The following RBAK variants were observed in gnomAD, a reference collection of about 807,000 sequenced individuals.
The protein encoded by RBAK is RB associated KRAB zinc finger, also known as RB-associated KRAB zinc finger protein.
Under a neutral mutation model 65.8 loss-of-function variants are expected in RBAK, and 39 were observed. The observed-to-expected ratio is 0.59, with a 90% confidence interval of 0.46 to 0.77. RBAK has a LOEUF of 0.77. Among genes scored for constraint, RBAK ranks in the 30% least tolerant of loss-of-function variants. The probability of loss-of-function intolerance (pLI) is 0.00; values close to 1 mark genes in which losing one functional copy is unlikely to be tolerated. For missense variants in RBAK, 884 were observed against 855.1 expected, an observed-to-expected ratio of 1.03 and a Z score of -0.42; for synonymous variants, 343 against 289.7, an observed-to-expected ratio of 1.18 and a Z score of -1.87.
intron 2 of RBAK, among the ~76,000 whole-genome samples, chr7:5,049,862 C>T (rs1200145920): frequency 1.3e-5 from 2 of 151,996 alleles, no homozygotes; most frequent in South Asian, 2.1e-4. Context: ...TAGCTACAGG[C>T]GCAAGCTGCC....
chr7:5,062,767 G>T (rs767507788), intron 4 of RBAK, among the ~76,000 whole-genome samples: 1 of 152,268 alleles, frequency 6.6e-6, no homozygotes, highest in African/African-American at 2.4e-5. Flanking sequence ...ACCCCTAGGC[G>T]CATATTCTCT....
At position 5,064,390 on chromosome 7, in the gene RBAK, T is replaced by G. The variant is rs1779161783; in HGVS notation, c.934T>G (p.Leu312Val). 1 of 1,613,720 alleles carries G rather than the reference T, an allele frequency of 6.2e-7. No homozygotes were observed. The change falls in exon 5 of 5, where the codon TTA (leucine) becomes GTA (valine). Residue 312 changes from leucine (L) to valine (V), a missense_variant. Coordinates refer to ENST00000396912, the MANE Select transcript of RBAK (RefSeq NM_021163.4). The surrounding 1 kb of genome is among the most constrained non-coding windows in gnomAD (Gnocchi z 6.3). The part of the protein sequence containing the change: ...GTLTVHRRSH[L>V]EEKPYKCNEC... ...CCTCACTGTACATCGGAGATCACAC[T>G]TAGAGGAGAAGCCCTATAAATGTAA...
chr7:5,061,022 T>A (rs887130565), intron 4 of RBAK, among the ~76,000 whole-genome samples: 2 of 152,222 alleles, frequency 1.3e-5, no homozygotes, highest in Non-Finnish European at 2.9e-5. Context: ...GAACTCTTGT[T>A]TGTATTCAGA....
intron 4 of RBAK, among the ~76,000 whole-genome samples, chr7:5,058,703 A>G (rs1039207180): frequency 6.6e-6 from 1 of 152,068 alleles, no homozygotes; most frequent in African/African-American, 2.4e-5. Flanking sequence ...CCCCTTCCCC[A>G]TAACTGGAAT....
In RBAK at chr7:5,048,957, C is replaced by G. The variant is rs1788055417; in HGVS notation, c.15+866C>G. Among the ~76,000 whole-genome samples, 1 of 152,192 alleles carries G rather than the reference C, an allele frequency of 6.6e-6. No individual in the cohort carries two copies. The highest frequency in any genetic ancestry group is 1.5e-5 in the Non-Finnish European group (1 of 68,042). On this transcript the variant is annotated intron_variant, in intron 2 of 4. Transcript: ENST00000396912. The surrounding 1 kb of genome is among the most constrained non-coding windows in gnomAD (Gnocchi z 4.4). ...CCAAAAGGGAAATTGCCCCCATGAT[C>G]CAATCACCTCCCACCAGGCCCCACC...
intron 4 of RBAK, among the ~76,000 whole-genome samples, chr7:5,061,587 G>A (rs977212174): frequency 3.3e-5 from 5 of 149,706 alleles, no homozygotes; most frequent in Admixed American, 6.6e-5. Flanking sequence ...CACCATGCCC[G>A]GCATGATCTT....
chr7:5,046,369 G>A lies in RBAK; in HGVS notation c.-72G>A, dbSNP rs1298250218. ...CCCGCCCCGGCCTCTCGGGAGCCGTGGGGCAGAGGCTGCGGAGCCCCAGAA... is the reference window on the plus strand; with the variant it reads ...CCCGCCCCGGCCTCTCGGGAGCCGTAGGGCAGAGGCTGCGGAGCCCCAGAA... On this transcript the variant is annotated 5_prime_UTR_variant, in exon 1 of 5. Transcript: ENST00000396912. 1 of 515,938 alleles carries A rather than the reference G, an allele frequency of 1.9e-6. No individual in the cohort carries two copies. The highest frequency in any genetic ancestry group is 3.9e-6 in the Non-Finnish European group (1 of 259,384). 32.0% of individuals were successfully genotyped at this position (515,938 alleles called of 1,614,324 possible). A position where few individuals can be genotyped will look rare whatever the true frequency, so the allele number is the denominator to read the frequency against.
At chr7:5,046,568 C>T (rs1420867600) in intron 1 of RBAK, among the ~76,000 whole-genome samples, 172 bp downstream of exon 1, 1 of 152,204 alleles carries the variant, frequency 6.6e-6, no homozygotes, top group Non-Finnish European at 1.5e-5. Flanking sequence ...CATGGGAAAT[C>T]TGGGAGGACG....
chr7:5,065,666 C>CA lies in RBAK; in HGVS notation c.*68dup. The CA allele has an allele frequency of 8.2e-7, 1 of 1,225,580 alleles. No homozygotes were observed. Among genetic ancestry groups the CA allele is most frequent in the South Asian group, 1.9e-5 (1 of 53,412 alleles). The allele number at this position is 1,225,580 out of a possible 1,614,324, so 75.9% of individuals were successfully genotyped here. On this transcript the variant is annotated 3_prime_UTR_variant, in exon 5 of 5. Transcript: ENST00000396912. The surrounding 1 kb of genome is among the most constrained non-coding windows in gnomAD (Gnocchi z 5.3). The stretch of plus-strand genomic sequence containing the variant: ...GAATATGGGGAATCCAATAGGAAGT[C>CA]AAAGCGTTTATCTGAGAGTTCGTGT...
In RBAK at chr7:5,067,578, C is replaced by G. The variant is rs1779250619; in HGVS notation, c.*1977C>G. On this transcript the variant is annotated 3_prime_UTR_variant, in exon 5 of 5. Coordinates refer to ENST00000396912, the MANE Select transcript of RBAK (RefSeq NM_021163.4). ...TAGCAAGTTCTTTAATGTAAATTAA[C>G]AAGCTAATTCTAGAATTCATATGCA... The G allele has an allele frequency of 6.6e-6, 1 of 152,168 alleles. No homozygotes were observed. The highest frequency in any genetic ancestry group is 2.1e-4 in the South Asian group (1 of 4,832). 9.4% of individuals were successfully genotyped at this position (152,168 alleles called of 1,614,324 possible). A position where few individuals can be genotyped will look rare whatever the true frequency, so the allele number is the denominator to read the frequency against.
Position 5,065,366 on chromosome 7 carries a change from A to G in RBAK, c.1910A>G (p.Asn637Ser). The G allele has an allele frequency of 6.2e-7, 1 of 1,613,634 alleles. No homozygotes were observed. Among genetic ancestry groups the G allele is most frequent in the South Asian group, 1.1e-5 (1 of 91,040 alleles). Residue 637 changes from asparagine to serine, a missense_variant, in exon 5 of 5, where the codon AAC becomes AGC. By Grantham distance (46) the Asn-to-Ser change is conservative. Transcript: ENST00000396912. The surrounding 1 kb of genome is among the most constrained non-coding windows in gnomAD (Gnocchi z 5.3). ...KCGKVFSRMS[N>S]LTVHYRSHSG... ...GGAAAAGTCTTCTCTCGGATGTCAAACCTCACTGTCCACTACAGAAGCCAT... is the reference window on the plus strand; with the variant it reads ...GGAAAAGTCTTCTCTCGGATGTCAAGCCTCACTGTCCACTACAGAAGCCAT...
At chr7:5,046,968 A>T (rs527395928) in intron 1 of RBAK, among the ~76,000 whole-genome samples, 1 of 152,374 alleles carries the variant, frequency 6.6e-6, no homozygotes, top group South Asian at 2.1e-4. Context: ...ATAGAAGATT[A>T]TTAGGTGCAG....
At position 5,067,573 on chromosome 7, in the gene RBAK, A is replaced by T. The variant is rs1199123717; in HGVS notation, c.*1972A>T. The stretch of plus-strand genomic sequence containing the variant: ...AATCCTAGCAAGTTCTTTAATGTAA[A>T]TTAACAAGCTAATTCTAGAATTCAT... On this transcript the variant is annotated 3_prime_UTR_variant, in exon 5 of 5. Coordinates refer to ENST00000396912, the MANE Select transcript of RBAK (RefSeq NM_021163.4). 1 of 152,228 alleles carries T rather than the reference A, an allele frequency of 6.6e-6. No individual in the cohort carries two copies. The highest frequency in any genetic ancestry group is 2.4e-5 in the African/African-American group (1 of 41,466). The allele number at this position is 152,228 out of a possible 1,614,324, so 9.4% of individuals were successfully genotyped here.
intron 4 of RBAK, among the ~76,000 whole-genome samples, chr7:5,063,021 G>A (rs1415938865): frequency 1.3e-5 from 2 of 152,094 alleles, no homozygotes; most frequent in African/African-American, 2.4e-5. Flanking sequence ...AGGGTCCTGA[G>A]GCGACATACA....
Position 5,047,747 on chromosome 7 carries a change from G to C in RBAK, c.-44-286G>C, listed in dbSNP as rs545481630. Among the ~76,000 whole-genome samples the C allele has an allele frequency of 3.9e-5, 6 of 151,976 alleles. No homozygotes were observed. In the South Asian group the frequency reaches 1.2e-3, roughly 32 times the overall value. On this transcript the variant is annotated intron_variant, in intron 1 of 4. Coordinates refer to ENST00000396912, the MANE Select transcript of RBAK (RefSeq NM_021163.4). ...GCCTCCTGAGTAGCTGGGACTACAG[G>C]CATGTGACACTATGCCTGGCTAATT...
chr7:5,059,710 C>G (rs1458085660), intron 4 of RBAK, among the ~76,000 whole-genome samples: 1 of 152,084 alleles, frequency 6.6e-6, no homozygotes, highest in Non-Finnish European at 1.5e-5. Context: ...TTCCAGTCAG[C>G]GATTGTTACC....
Position 5,054,817 on chromosome 7 carries a change from A to G in RBAK, c.16-2478A>G, listed in dbSNP as rs150459869. ...TCCACCTCATATGAACTGTAGTGTCAGCTTATCTAGTTCCAGGAAAAAGCT... is the reference window on the plus strand; with the variant it reads ...TCCACCTCATATGAACTGTAGTGTCGGCTTATCTAGTTCCAGGAAAAAGCT... On this transcript the variant is annotated intron_variant, in intron 2 of 4. Transcript: ENST00000396912. Among the ~76,000 whole-genome samples, 102 of 152,194 alleles carry G rather than the reference A, an allele frequency of 6.7e-4. 4 individuals are homozygous for G. In the East Asian group the frequency reaches 0.013, roughly 19 times the overall value.
rs186195064 is a variant in RBAK at position 5,062,877 on chromosome 7, G to A, written c.239-818G>A. 4.6e-3 allele frequency among the ~76,000 whole-genome samples: 699 copies of A among 152,242 alleles called. 7 individuals are homozygous for A. The highest frequency in any genetic ancestry group is 7.0e-3 in the Non-Finnish European group (476 of 68,012). ...ATGGCTCTGTTCCACCCGGCTCACC[G>A]GCAGTCAGAGTTTAAGGTTATCTCT... is the stretch of plus-strand genomic sequence containing the variant. On this transcript the variant is annotated intron_variant, in intron 4 of 4. Coordinates refer to ENST00000396912, the MANE Select transcript of RBAK (RefSeq NM_021163.4).
At chr7:5,052,090 G>A (rs758192514) in intron 2 of RBAK, among the ~76,000 whole-genome samples, 1 of 152,196 alleles carries the variant, frequency 6.6e-6, no homozygotes, top group Admixed American at 6.5e-5. Flanking sequence ...ATTACATCCT[G>A]TTGATTAATT....
Sources: allele counts gnomAD v4.1 joint callset (sites outside exome capture counted in the v4.1 genomes callset), GRCh38; gene constraint gnomAD v4.1.1; non-coding constraint Gnocchi (gnomAD v3.1); transcripts MANE v1.5; gene names NCBI Gene and HGNC (gene_info 2026-07-23, HGNC 2026-07-21).